Variants in DNMT3A observed in about 807,000 individuals in gnomAD.
DNMT3A encodes the protein DNA (cytosine-5)-methyltransferase 3A.
In DNMT3A, 267 loss-of-function variants were observed where a neutral mutation model predicts 117.6. The ratio of observed to expected loss-of-function variants is 2.27; its 90% CI spans 2.05 to 2.51. The LOEUF (loss-of-function observed/expected upper bound fraction) is 2.51, where lower values mean the gene tolerates loss of function less well. DNMT3A is among the 30% of genes most tolerant of loss of function. The probability of loss-of-function intolerance (pLI) is 0.00; values close to 1 mark genes in which losing one functional copy is unlikely to be tolerated. For synonymous variants in DNMT3A, 432 were observed against 474.8 expected (o/e 0.91, Z 1.17); for missense variants, 1,029 against 1,260.2 (o/e 0.82, Z 2.78).
rs577155424 is a variant in DNMT3A at position 25,235,912 on chromosome 2, C to T, written c.2479-87G>A. 15 of 1,255,496 alleles carry T rather than the reference C, an allele frequency of 1.2e-5. No homozygotes were observed. The African/African-American group carries it at 1.6e-4, about 14-fold the overall frequency. The allele number at this position is 1,255,496 out of a possible 1,614,324, so 77.8% of individuals were successfully genotyped here. A position where few individuals can be genotyped will look rare whatever the true frequency, so the allele number is the denominator to read the frequency against. Reference sequence around the variant, plus strand: ...GCGTCTACCAAATATGCCAGGTACTCGCCAAACCCTGACAGGGCCTGGTCC... The same window carrying T: ...GCGTCTACCAAATATGCCAGGTACTTGCCAAACCCTGACAGGGCCTGGTCC... On this transcript the variant is annotated intron_variant, in intron 21 of 22. Transcript: ENST00000321117.
In DNMT3A at chr2:25,328,301, C is replaced by T. The variant is rs1573503246; in HGVS notation, c.-178+13525G>A. 2.6e-5 allele frequency among the ~76,000 whole-genome samples: 4 copies of T among 152,132 alleles called. No homozygotes were observed. In the South Asian group the frequency reaches 8.3e-4, roughly 31 times the overall value. On this transcript the variant is annotated intron_variant, in intron 1 of 22. Transcript: ENST00000321117. ...TCACCAGGGCTGGCTACAACGCAGCCTCCGCCCACTGCTCTGGCCGTGCCC... is the reference window on the plus strand; with the variant it reads ...TCACCAGGGCTGGCTACAACGCAGCTTCCGCCCACTGCTCTGGCCGTGCCC...
At chr2:25,295,096 C>T (rs917100609) in intron 3 of DNMT3A, among the ~76,000 whole-genome samples, 21 of 152,216 alleles carry the variant, frequency 1.4e-4, no homozygotes, top group African/African-American at 3.4e-4. Flanking sequence ...GGGCTCCAAC[C>T]GGAACCACCC....
rs1316550336 is a variant in DNMT3A at position 25,254,715 on chromosome 2, C to T, written c.640-6463G>A. On this transcript the variant is annotated intron_variant, in intron 6 of 22. Transcript: ENST00000321117. The surrounding 1 kb of genome is among the most constrained non-coding windows in gnomAD (Gnocchi z 4.7). ...GGTCAACGGGCCTGAGAACTTACTT[C>T]AGGCCTCCTCTCAAAAGAAGTTTCT... Among the ~76,000 whole-genome samples, 1 of 152,224 alleles carries T rather than the reference C, an allele frequency of 6.6e-6. No individual in the cohort carries two copies. The highest frequency in any genetic ancestry group is 1.5e-5 in the Non-Finnish European group (1 of 68,048).
At position 25,286,796 on chromosome 2, in the gene DNMT3A, T is replaced by C. The variant is rs1296614729; in HGVS notation, c.178-4085A>G. On this transcript the variant is annotated intron_variant, in intron 3 of 22. Coordinates refer to ENST00000321117, the MANE Select transcript of DNMT3A (RefSeq NM_022552.5). The surrounding 1 kb of genome is among the most constrained non-coding windows in gnomAD (Gnocchi z 4.3). ...GGTGAGAAGGGCAGAAACCTCAGCC[T>C]GGAAGCCCAGGAGGGAGGGGCACCC... Among the ~76,000 whole-genome samples, 1 of 152,204 alleles carries C rather than the reference T, an allele frequency of 6.6e-6. No individual in the cohort carries two copies. Among genetic ancestry groups the C allele is most frequent in the Non-Finnish European group, 1.5e-5 (1 of 68,028 alleles).
rs1485351398 is a variant in DNMT3A at position 25,305,352 on chromosome 2, G to T, written c.73-5109C>A. ...CTCTAAACATCTGAGGCTACGATCT[G>T]ACCTACATTTCAACACTGCTCACTG... On this transcript the variant is annotated intron_variant, in intron 2 of 22. Coordinates refer to ENST00000321117, the MANE Select transcript of DNMT3A (RefSeq NM_022552.5). This position sits in a 1 kb window ranked among gnomAD's most constrained non-coding sequence, Gnocchi z 4.1. Among the ~76,000 whole-genome samples the T allele has an allele frequency of 2.0e-5, 3 of 152,178 alleles. No individual in the cohort carries two copies. The highest frequency in any genetic ancestry group is 1.3e-4 in the Admixed American group (2 of 15,276).
At chr2:25,314,225 G>A in intron 1 of DNMT3A, 64 bp from the exon 2 acceptor site, 1 of 1,385,150 alleles carries the variant, frequency 7.2e-7, no homozygotes, top group Non-Finnish European at 9.3e-7. Flanking sequence ...CAGGCCCTCA[G>A]CCCAGGGCCA....
At chr2:25,267,990 C>T (rs1375498901) in intron 6 of DNMT3A, among the ~76,000 whole-genome samples, 1 of 152,100 alleles carries the variant, frequency 6.6e-6, no homozygotes, top group Non-Finnish European at 1.5e-5. Flanking sequence ...GTAAGTGGGA[C>T]CTTTCTTAAG....
At chr2:25,316,290 T>G (rs1489509602) in intron 1 of DNMT3A, among the ~76,000 whole-genome samples, 1 of 152,142 alleles carries the variant, frequency 6.6e-6, no homozygotes, top group Non-Finnish European at 1.5e-5. Context: ...AAAGCAGAAC[T>G]TCACAGGGCA....
In DNMT3A at chr2:25,306,846, G is replaced by C. The variant is rs896182450; in HGVS notation, c.73-6603C>G. ...GAGGGAGACAACAACATGTAAACAA[G>C]TACCTGATGCCATGCTGAGCCCAGA... is the stretch of plus-strand genomic sequence containing the variant. On this transcript the variant is annotated intron_variant, in intron 2 of 22. Transcript: ENST00000321117. This position sits in a 1 kb window ranked among gnomAD's most constrained non-coding sequence, Gnocchi z 4.1. 1.3e-5 allele frequency among the ~76,000 whole-genome samples: 2 copies of C among 152,236 alleles called. No individual in the cohort carries two copies. The highest frequency in any genetic ancestry group is 4.8e-5 in the African/African-American group (2 of 41,460).
intron 1 of DNMT3A, among the ~76,000 whole-genome samples, chr2:25,318,953 C>T (rs377224111): frequency 6.6e-6 from 1 of 151,336 alleles, no homozygotes; most frequent in South Asian, 2.1e-4. Flanking sequence ...CCTGCCTCGG[C>T]CTCCCAAAGT....
In DNMT3A at chr2:25,247,723, C is replaced by T. The variant is rs747827393; in HGVS notation, c.882G>A (p.Glu294=). 1 of 1,613,244 alleles carries T rather than the reference C, an allele frequency of 6.2e-7. No homozygotes were observed. Among genetic ancestry groups the T allele is most frequent in the Admixed American group, 1.7e-5 (1 of 60,020 alleles). Residue 294 remains glutamate (E), a synonymous_variant, in exon 8 of 23, where the codon GAG becomes GAA. Coordinates refer to ENST00000321117, the MANE Select transcript of DNMT3A (RefSeq NM_022552.5). The surrounding 1 kb of genome is among the most constrained non-coding windows in gnomAD (Gnocchi z 5.6). The part of the protein sequence containing the change: ...YEDGRGFGIG[E]LVWGKLRGFS... ...AGCCCCGCAGTTTCCCCCACACCAG[C>T]TCCCCAATGCCAAAGCCCCGGCCGT...
Position 25,239,259 on chromosome 2 carries a change from T to A in DNMT3A, c.2323-44A>T, listed in dbSNP as rs757658409. On this transcript the variant is annotated intron_variant, in intron 19 of 22. Coordinates refer to ENST00000321117, the MANE Select transcript of DNMT3A (RefSeq NM_022552.5). ...TTTGAAGATGAGCCAAGGAGGAGCA[T>A]GAAACAGCGCCGGCATGCTGCTGGG... 17 of 1,573,100 alleles carry A rather than the reference T, an allele frequency of 1.1e-5. No homozygotes were observed. In the African/African-American group the frequency reaches 2.3e-4, roughly 21 times the overall value.
At chr2:25,238,284 C>T (rs560760176) in intron 20 of DNMT3A, among the ~76,000 whole-genome samples, 2 of 152,312 alleles carry the variant, frequency 1.3e-5, no homozygotes, top group East Asian at 3.9e-4. Context: ...TCGATAGCAA[C>T]TCTACCAAAC....
intron 1 of DNMT3A, among the ~76,000 whole-genome samples, chr2:25,331,622 C>T (rs963769902): frequency 6.6e-6 from 1 of 152,200 alleles, no homozygotes; most frequent in Admixed American, 6.5e-5. Flanking sequence ...GAAGTAGAGG[C>T]GCTAACTCAT....
rs70947875 is a variant in DNMT3A, at chr2:25,272,977, A to ATT, written c.639+1962_639+1963dup. ...CCACCACACCTGGCTAATTGTTTGTATTTTTTTTTTTTTTGAGACAGAGTT... is the reference window on the plus strand; with the variant it reads ...CCACCACACCTGGCTAATTGTTTGTATTTTTTTTTTTTTTTTGAGACAGAGTT... On this transcript the variant is annotated intron_variant, in intron 6 of 22. Coordinates refer to ENST00000321117, the MANE Select transcript of DNMT3A (RefSeq NM_022552.5). 3.1e-4 allele frequency among the ~76,000 whole-genome samples: 33 copies of ATT among 106,476 alleles called. 1 individual carries two copies. In the South Asian group the frequency reaches 8.3e-3, roughly 27 times the overall value. 69.9% of individuals were successfully genotyped at this position (106,476 alleles called of 152,430 possible).
intron 1 of DNMT3A, among the ~76,000 whole-genome samples, chr2:25,333,975 C>G (rs1040884172): frequency 6.6e-6 from 1 of 152,222 alleles, no homozygotes; most frequent in African/African-American, 2.4e-5. Context: ...GCACATCTGT[C>G]CCCTACCAGC....
intron 6 of DNMT3A, among the ~76,000 whole-genome samples, chr2:25,269,479 G>A (rs1573392048): frequency 2.0e-5 from 3 of 152,216 alleles, no homozygotes; most frequent in Non-Finnish European, 4.4e-5. Flanking sequence ...CAGCAGGAAC[G>A]ATGACAGGAA....
intron 1 of DNMT3A, among the ~76,000 whole-genome samples, chr2:25,336,694 G>A (rs371901962): frequency 2.0e-5 from 3 of 151,700 alleles, no homozygotes; most frequent in South Asian, 4.2e-4. Flanking sequence ...GCGATCCTCC[G>A]TGGGCCACAG....
At chr2:25,277,287 C>CT (rs1451866731) in intron 4 of DNMT3A, among the ~76,000 whole-genome samples, 1 of 151,710 alleles carries the variant, frequency 6.6e-6, no homozygotes, top group South Asian at 2.1e-4. Flanking sequence ...CAGCTCCCCA[C>CT]TTTTTTCGCG....
Sources: allele counts gnomAD v4.1 joint callset (sites outside exome capture counted in the v4.1 genomes callset), GRCh38; gene constraint gnomAD v4.1.1; non-coding constraint Gnocchi (gnomAD v3.1); transcripts MANE v1.5; gene names NCBI Gene and HGNC (gene_info 2026-07-23, HGNC 2026-07-21).